The following SASS6 variants were observed in gnomAD, a reference collection of about 807,000 sequenced individuals.
SASS6 encodes the protein spindle assembly abnormal protein 6 homolog.
In SASS6, 59 loss-of-function variants were observed where a neutral mutation model predicts 94.9. The ratio of observed to expected loss-of-function variants is 0.62; its 90% CI spans 0.50 to 0.77. SASS6 has a LOEUF of 0.77. Ranked by LOEUF, SASS6 falls within the 30% of genes least tolerant of loss-of-function variation. SASS6 has a pLI of 0.00. For missense variants in SASS6, 698 were observed against 734.1 expected (o/e 0.95, Z 0.57); for synonymous variants, 264 against 270.0 (o/e 0.98, Z 0.22).
intron 7 of SASS6, among the ~76,000 whole-genome samples, chr1:100,112,319 TGAA>T (rs1394945322): frequency 2.0e-5 from 3 of 152,030 alleles, no homozygotes; most frequent in Non-Finnish European, 4.4e-5. Flanking sequence ...AAAAATTCTA[TGAA>T]GAAGTGATGA....
At chr1:100,101,600 A>T (rs1271436807) in intron 14 of SASS6, among the ~76,000 whole-genome samples, 1 of 152,138 alleles carries the variant, frequency 6.6e-6, no homozygotes, top group Non-Finnish European at 1.5e-5. Flanking sequence ...AACAACTGTG[A>T]ATTCACTTAT....
In SASS6 at chr1:100,083,807, G is replaced by GAGAT. The variant is rs144282003; in HGVS notation, c.*1517_*1520dup. 806 of 152,020 alleles carry GAGAT rather than the reference G, an allele frequency of 5.3e-3. 4 individuals are homozygous for GAGAT. Among genetic ancestry groups the GAGAT allele is most frequent in the East Asian group, 0.041 (210 of 5,182 alleles). 9.4% of individuals were successfully genotyped at this position (152,020 alleles called of 1,614,324 possible). ...CTTTCCTTGTGTATATATATGCAAAGAGATACCTATATTTTAAAAAAGAGA... is the reference window on the plus strand; with the variant it reads ...CTTTCCTTGTGTATATATATGCAAAGAGATAGATACCTATATTTTAAAAAAGAGA... On this transcript the variant is annotated 3_prime_UTR_variant, in exon 17 of 17. Transcript: ENST00000287482.
At chr1:100,125,435 C>T (rs546357649) in intron 2 of SASS6, among the ~76,000 whole-genome samples, 3 of 151,702 alleles carry the variant, frequency 2.0e-5, no homozygotes, top group South Asian at 4.2e-4. Context: ...AATCTCAGCA[C>T]TTTGGGAGGC....
chr1:100,127,336 TAA>T (rs1654685489), intron 1 of SASS6, among the ~76,000 whole-genome samples: 1 of 152,212 alleles, frequency 6.6e-6, no homozygotes, highest in East Asian at 1.9e-4. Flanking sequence ...ACTACACAAG[TAA>T]AAAGTATAAA....
At chr1:100,118,488 G>C (rs1653947501) in intron 7 of SASS6, among the ~76,000 whole-genome samples, 1 of 152,130 alleles carries the variant, frequency 6.6e-6, no homozygotes, top group East Asian at 1.9e-4. Context: ...TTCACTTCTA[G>C]AAACTAAGAG....
At chr1:100,088,301 G>C in intron 14 of SASS6, 65 bp from the exon 15 acceptor site, 1 of 808,092 alleles carries the variant, frequency 1.2e-6, no homozygotes, top group Non-Finnish European at 2.2e-6. Flanking sequence ...TGGGCAGAGG[G>C]GGGATTTTAA....
intron 7 of SASS6, among the ~76,000 whole-genome samples, chr1:100,116,401 T>C (rs935904150): frequency 6.6e-6 from 1 of 152,210 alleles, no homozygotes; most frequent in African/African-American, 2.4e-5. Context: ...TTCATTATTA[T>C]CAGATAGTAT....
At chr1:100,118,063 TAATCCC>T (rs1412938564) in intron 7 of SASS6, among the ~76,000 whole-genome samples, 4 of 152,242 alleles carry the variant, frequency 2.6e-5, no homozygotes, top group African/African-American at 9.6e-5. Context: ...CTCATGCCTG[TAATCCC>T]AGCACTTTGG....
intron 6 of SASS6, among the ~76,000 whole-genome samples, chr1:100,119,846 AGAACAAT>A (rs1363749585): frequency 6.6e-6 from 1 of 152,252 alleles, no homozygotes; most frequent in African/African-American, 2.4e-5. Flanking sequence ...TACAGCCTAC[AGAACAAT>A]GAACCAATTA....
chr1:100,102,952 T>C lies in SASS6; in HGVS notation c.1674+3A>G, dbSNP rs182190581. 159 of 1,604,522 alleles carry C rather than the reference T, an allele frequency of 9.9e-5. No individual in the cohort carries two copies. In the East Asian group the frequency reaches 3.1e-3, roughly 32 times the overall value. On this transcript the variant is annotated splice_donor_region_variant and intron_variant, in intron 14 of 16. Transcript: ENST00000287482. ...CAGAACAAGTATTAGTTAATTTGGC[T>C]ACCTTTGTTCCTGAACCAGGGTGGC...
rs750360041 is a variant in SASS6, at chr1:100,107,969, C to T, written c.897G>A (p.Leu299=). The T allele has an allele frequency of 3.7e-6, 6 of 1,611,886 alleles. No homozygotes were observed. Among genetic ancestry groups the T allele is most frequent in the Non-Finnish European group, 4.2e-6 (5 of 1,178,886 alleles). ...LQRTKQEVLS[L]RRENSTLDVE... ...CATCTAGTGTAGAATTCTCTCTTCG[C>T]AAAGAGAGGACTTCTTGCTTAGTCC... The change falls in exon 9 of 17, where the codon TTG becomes TTA. Residue 299 remains leucine (L), a synonymous_variant. Transcript: ENST00000287482.
At chr1:100,131,914 A>G (rs1655066305) in intron 1 of SASS6, among the ~76,000 whole-genome samples, 1 of 152,246 alleles carries the variant, frequency 6.6e-6, no homozygotes, top group Non-Finnish European at 1.5e-5. Context: ...CGCATGTTAT[A>G]TCAGTTTTAC....
intron 7 of SASS6, among the ~76,000 whole-genome samples, chr1:100,114,360 C>T (rs1446343208): frequency 6.6e-6 from 1 of 151,852 alleles, no homozygotes; most frequent in Non-Finnish European, 1.5e-5. Flanking sequence ...AAAAGACAAT[C>T]TCAGACCAAT....
At chr1:100,091,742 G>A (rs968259018) in intron 14 of SASS6, among the ~76,000 whole-genome samples, 13 of 150,700 alleles carry the variant, frequency 8.6e-5, no homozygotes, top group East Asian at 1.9e-4. Context: ...ACTTGAAGGC[G>A]GATCAATAGA....
intron 7 of SASS6, among the ~76,000 whole-genome samples, chr1:100,112,097 G>GA (rs34549132): frequency 0.34 from 51,110 of 151,638 alleles, 10,402 homozygotes; most frequent in East Asian, 0.59. Flanking sequence ...CATTCTGGAG[G>GA]AAAAAAAATA....
intron 14 of SASS6, among the ~76,000 whole-genome samples, chr1:100,095,294 C>T (rs1183067164): frequency 6.6e-6 from 1 of 152,136 alleles, no homozygotes; most frequent in Non-Finnish European, 1.5e-5. Context: ...TTTTTGGAGG[C>T]TGTGGCAGGT....
In SASS6 at chr1:100,132,872, T is replaced by C. The variant is rs1655195251; in HGVS notation, c.-58A>G. ...AGCCCAACAGGCCCGGCCCTCGGGA[T>C]TAGCCTGAGAGGTCCGGGTCCTGAT... On this transcript the variant is annotated 5_prime_UTR_variant, in exon 1 of 17. Coordinates refer to ENST00000287482, the MANE Select transcript of SASS6 (RefSeq NM_194292.3). 5 of 1,497,876 alleles carry C rather than the reference T, an allele frequency of 3.3e-6. No individual in the cohort carries two copies. In the African/African-American group the frequency reaches 6.9e-5, roughly 21 times the overall value. The allele number at this position is 1,497,876 out of a possible 1,614,324, so 92.8% of individuals were successfully genotyped here. A position where few individuals can be genotyped will look rare whatever the true frequency, so the allele number is the denominator to read the frequency against.
chr1:100,122,914 G>C (rs1446448853), intron 3 of SASS6, among the ~76,000 whole-genome samples: 3 of 151,784 alleles, frequency 2.0e-5, no homozygotes, highest in Non-Finnish European at 4.4e-5. Context: ...ACTAACGCTT[G>C]TTATAATCAA....
rs148149908 is a variant in SASS6, at chr1:100,110,456, C to T, written c.697G>A (p.Glu233Lys). 5.7e-5 allele frequency: 91 copies of T among 1,607,286 alleles called. No homozygotes were observed. The African/African-American group carries it at 1.0e-3, about 18-fold the overall frequency. The stretch of plus-strand genomic sequence containing the variant: ...ATTTCTAAATCTTTTTTCTGTTGTT[C>T]ATGCTGCTGTTGATATTGAACCTGT... ...QAQVQYQQQH[E>K]QQKKDLEILH... is the part of the protein sequence containing the mutation. Residue 233 changes from glutamate to lysine, a missense_variant, in exon 8 of 17, where the codon GAA (glutamate) becomes AAA (lysine). Coordinates refer to ENST00000287482, the MANE Select transcript of SASS6 (RefSeq NM_194292.3).
Sources: gnomAD v4.1 joint callset for allele counts (sites outside exome capture counted in the v4.1 genomes callset) on GRCh38, gnomAD v4.1.1 for gene constraint, MANE v1.5 for transcripts, NCBI Gene and HGNC (gene_info 2026-07-23, HGNC 2026-07-21) for gene names.